SIMC1: variants seen among roughly 807,000 people sequenced by gnomAD.
SIMC1 encodes the protein SUMO-interacting motif-containing protein 1.
Under a neutral mutation model 82.3 loss-of-function variants are expected in SIMC1, and 55 were observed. The ratio of observed to expected loss-of-function variants is 0.67; its 90% confidence interval spans 0.54 to 0.84. The LOEUF (loss-of-function observed/expected upper bound fraction) is 0.84, where lower values mean the gene tolerates loss of function less well. Ranked by LOEUF, SIMC1 falls within the 40% of genes least tolerant of loss-of-function variation. The pLI, the probability that SIMC1 is intolerant of heterozygous loss-of-function variation, is 0.00. For missense variants in SIMC1, 915 were observed against 1,107.2 expected (o/e 0.83, Z 2.46); for synonymous variants, 353 against 426.3 (o/e 0.83, Z 2.12).
intron 9 of SIMC1, among the ~76,000 whole-genome samples, chr5:176,339,722 T>C (rs1766048864): frequency 6.6e-6 from 1 of 152,190 alleles, no homozygotes; most frequent in South Asian, 2.1e-4. Flanking sequence ...CAAACCAGTA[T>C]ATATTGACCA....
intron 1 of SIMC1, among the ~76,000 whole-genome samples, chr5:176,282,894 C>T (rs1347372607): frequency 1.3e-5 from 2 of 152,106 alleles, no homozygotes; most frequent in Non-Finnish European, 2.9e-5. Flanking sequence ...CTTCAGTAGC[C>T]GATTCGATCA....
At chr5:176,318,952 AC>A (rs2113359949) in intron 5 of SIMC1, among the ~76,000 whole-genome samples, 1 of 152,222 alleles carries the variant, frequency 6.6e-6, no homozygotes, top group African/African-American at 2.4e-5. Context: ...TACCAAAACC[AC>A]AAAAAATTAG....
intron 4 of SIMC1, among the ~76,000 whole-genome samples, chr5:176,299,109 T>C (rs1344753740): frequency 1.3e-5 from 2 of 152,250 alleles, no homozygotes; most frequent in Non-Finnish European, 2.9e-5. Context: ...ACCAAACTCT[T>C]GTGGCCAGGT....
intron 7 of SIMC1, among the ~76,000 whole-genome samples, chr5:176,325,358 C>G (rs1422372734): frequency 2.0e-5 from 3 of 151,798 alleles, no homozygotes; most frequent in Non-Finnish European, 2.9e-5. Flanking sequence ...TGCACTCCAG[C>G]CTGGGTGACA....
intron 1 of SIMC1, among the ~76,000 whole-genome samples, chr5:176,282,728 G>A (rs1399260518): frequency 6.6e-6 from 1 of 152,188 alleles, no homozygotes; most frequent in Non-Finnish European, 1.5e-5. Context: ...ACTTCTTCTA[G>A]CTAAAGGAGC....
intron 7 of SIMC1, among the ~76,000 whole-genome samples, chr5:176,328,947 A>G (rs1173999648): frequency 2.0e-5 from 3 of 152,138 alleles, no homozygotes; most frequent in African/African-American, 7.2e-5. Context: ...AAAATTGTAG[A>G]TTCACAGGAA....
intron 1 of SIMC1, among the ~76,000 whole-genome samples, chr5:176,285,798 T>A (rs570459567): frequency 2.1e-4 from 32 of 152,294 alleles, no homozygotes; most frequent in Middle Eastern, 3.4e-3. Flanking sequence ...AGTCTCAGGA[T>A]ACAAAATCAA....
At chr5:176,276,944 G>C (rs1289825544) in intron 1 of SIMC1, among the ~76,000 whole-genome samples, 2 of 150,616 alleles carry the variant, frequency 1.3e-5, no homozygotes, top group Non-Finnish European at 1.5e-5. Context: ...ATGATTTATA[G>C]TCCTTTGGGT....
intron 2 of SIMC1, among the ~76,000 whole-genome samples, chr5:176,293,176 G>T (rs752791154): frequency 3.9e-5 from 6 of 152,104 alleles, no homozygotes; most frequent in Non-Finnish European, 8.8e-5. Context: ...AGTGGCTCAC[G>T]CCTGTAACCC....
chr5:176,247,758 T>G (rs544307276), intron 1 of SIMC1, among the ~76,000 whole-genome samples: 2 of 151,860 alleles, frequency 1.3e-5, no homozygotes, highest in Admixed American at 1.3e-4. Context: ...TTTAAGTCTT[T>G]AATCCATCTT....
chr5:176,317,709 TTTCA>T (rs1764978960), intron 5 of SIMC1, among the ~76,000 whole-genome samples: 1 of 152,210 alleles, frequency 6.6e-6, no homozygotes, highest in African/African-American at 2.4e-5. Flanking sequence ...TTGCTTTTCC[TTTCA>T]TTCATATCTT....
At chr5:176,297,101 G>A (rs1221064347) in intron 4 of SIMC1, among the ~76,000 whole-genome samples, 2 of 152,224 alleles carry the variant, frequency 1.3e-5, no homozygotes, top group African/African-American at 4.8e-5. Context: ...GATATTTATT[G>A]AAAGTTTGTG....
At chr5:176,276,354 C>A (rs146668831) in intron 1 of SIMC1, among the ~76,000 whole-genome samples, 21,257 of 151,010 alleles carry the variant, frequency 0.14, 1,850 homozygotes, top group Middle Eastern at 0.21. Flanking sequence ...CTGTTTGATT[C>A]TTCTCTCTTT....
At chr5:176,292,459 T>G (rs75480579) in intron 2 of SIMC1, among the ~76,000 whole-genome samples, 1 of 152,034 alleles carries the variant, frequency 6.6e-6, no homozygotes, top group African/African-American at 2.4e-5. Context: ...TGGAGAATGA[T>G]TTTTTTTCTC....
chr5:176,297,721 T>G (rs1168346652), intron 4 of SIMC1, among the ~76,000 whole-genome samples: 1 of 152,174 alleles, frequency 6.6e-6, no homozygotes, highest in African/African-American at 2.4e-5. Flanking sequence ...AACTATCAGT[T>G]AAGTGTGAGG....
chr5:176,272,384 C>CAAAAAAAA (rs70991523), intron 1 of SIMC1, among the ~76,000 whole-genome samples: 1 of 143,280 alleles, frequency 7.0e-6, no homozygotes, highest in Non-Finnish European at 1.5e-5. Flanking sequence ...TGCAATAAGG[C>CAAAAAAAA]AAAAAAAAAA....
intron 1 of SIMC1, among the ~76,000 whole-genome samples, chr5:176,269,692 AACAGAAAAATT>A (rs895964788): frequency 6.6e-6 from 1 of 152,228 alleles, no homozygotes; most frequent in Non-Finnish European, 1.5e-5. Context: ...CGATAACAAA[AACAGAAAAATT>A]ACAAAAATAG....
chr5:176,316,117 G>A (rs1764891444), intron 5 of SIMC1, among the ~76,000 whole-genome samples: 1 of 151,832 alleles, frequency 6.6e-6, no homozygotes, highest in African/African-American at 2.4e-5. Flanking sequence ...AGAGGTTGCA[G>A]TAAGCCGAGA....
At chr5:176,322,557 C>G in intron 6 of SIMC1, 132 bp downstream of exon 6, 2 of 1,109,934 alleles carry the variant, frequency 1.8e-6, no homozygotes, top group Non-Finnish European at 2.4e-6. Context: ...TTATTCAAGA[C>G]TTAGTTTAAC....
Sources: allele counts gnomAD v4.1 joint callset (sites outside exome capture counted in the v4.1 genomes callset), GRCh38; gene constraint gnomAD v4.1.1; transcripts MANE v1.5; gene names NCBI Gene and HGNC (gene_info 2026-07-23, HGNC 2026-07-21).